The following SEC16A variants were observed in gnomAD, a reference collection of about 807,000 sequenced individuals.
SEC16A encodes the protein SEC16 homolog A, endoplasmic reticulum export factor, also known as protein transport protein Sec16A.
SEC16A carries 110 observed loss-of-function variants against 221.9 expected under a neutral mutation model. The observed-to-expected ratio is 0.50, with a 90% CI of 0.42 to 0.58. The LOEUF is 0.58. SEC16A is among the 20% of genes least tolerant of loss of function. SEC16A has a pLI of 0.00. For missense variants in SEC16A, 3,165 were observed against 3,097.8 expected (o/e 1.02, Z -0.52); for synonymous variants, 1,393 against 1,257.7 (o/e 1.11, Z -2.28).
chr9:136,474,013 C>A, intron 3 of SEC16A, 36 bp downstream of exon 3: 1 of 1,556,914 alleles, frequency 6.4e-7, no homozygotes, highest in Non-Finnish European at 8.7e-7. Flanking sequence ...AAAGCACAGA[C>A]AGAAAAGTGG....
intron 4 of SEC16A, among the ~76,000 whole-genome samples, chr9:136,469,200 C>G (rs1463249410): frequency 6.6e-6 from 1 of 152,150 alleles, no homozygotes; most frequent in Non-Finnish European, 1.5e-5. Flanking sequence ...AGCCTCGACC[C>G]CAGACCACTG....
At position 136,466,880 on chromosome 9, in the gene SEC16A, C is replaced by T; in HGVS notation, c.3929+77G>A. On this transcript the variant is annotated intron_variant, in intron 6 of 31. Coordinates refer to ENST00000684901, the MANE Select transcript of SEC16A (RefSeq NM_014866.2). This position sits in a 1 kb window ranked among gnomAD's most constrained non-coding sequence, Gnocchi z 5.5. ...AACTACCACAGCTCTTTGTTAAAACCCAGACATGAGGGCAGAGAAGCACTA... is the reference window on the plus strand; with the variant it reads ...AACTACCACAGCTCTTTGTTAAAACTCAGACATGAGGGCAGAGAAGCACTA... 6.7e-7 allele frequency: 1 copy of T among 1,501,632 alleles called. No homozygotes were observed. The highest frequency in any genetic ancestry group is 8.9e-7 in the Non-Finnish European group (1 of 1,121,476). 93.0% of individuals were successfully genotyped at this position (1,501,632 alleles called of 1,614,324 possible).
At position 136,474,587 on chromosome 9, in the gene SEC16A, T is replaced by C. The variant is rs774312401; in HGVS notation, c.3029A>G (p.Asn1010Ser). Residue 1010 changes from asparagine (N) to serine (S), a missense_variant, in exon 3 of 32, where the codon AAC becomes AGC. By Grantham distance (46) the Asn-to-Ser change is conservative. Coordinates refer to ENST00000684901, the MANE Select transcript of SEC16A (RefSeq NM_014866.2). Reference protein sequence around the residue: ...RTLENPVNVYNPSHSDSLASQ... With the variant: ...RTLENPVNVYSPSHSDSLASQ... ...AGCGAGGCTGTCAGAATGGGACGGG[T>C]TGTACACGTTTACAGGATTTTCCAA... 7.4e-6 allele frequency: 12 copies of C among 1,612,808 alleles called. No individual in the cohort carries two copies. The South Asian group carries it at 1.2e-4, about 16-fold the overall frequency.
In SEC16A at chr9:136,466,993, T is replaced by C; in HGVS notation, c.3893A>G (p.Asp1298Gly). The C allele has an allele frequency of 6.2e-7, 1 of 1,613,796 alleles. No homozygotes were observed. Among genetic ancestry groups the C allele is most frequent in the Non-Finnish European group, 8.5e-7 (1 of 1,179,854 alleles). ...DRRYWCDAEY[D>G]AYRREHSAFG... ...GGCAGAGTGCTCTCTCCTGTATGCG[T>C]CATACTCTGCATCACACCAATACCT... is the stretch of plus-strand genomic sequence containing the variant. Residue 1298 changes from aspartate (D) to glycine (G), a missense_variant, in exon 6 of 32, where the codon GAC becomes GGC. This residue lies in a region of SEC16A where 2,030 missense variants were observed against 1,923.1 expected (regional missense o/e 1.06). Coordinates refer to ENST00000684901, the MANE Select transcript of SEC16A (RefSeq NM_014866.2). This position sits in a 1 kb window ranked among gnomAD's most constrained non-coding sequence, Gnocchi z 5.5.
intron 29 of SEC16A, 47 bp from the exon 30 acceptor site, chr9:136,445,158 T>C (rs1220538057): frequency 6.7e-7 from 1 of 1,482,660 alleles, no homozygotes; most frequent in Non-Finnish European, 9.3e-7. Context: ...AAAGTCAACA[T>C]GCACGTCACT....
At chr9:136,483,577 T>C (rs948584885), upstream of SEC16A, 66 of 985,070 alleles carry the variant, frequency 6.7e-5, no homozygotes, top group Middle Eastern at 5.2e-4. Flanking sequence ...CGTCGCCCTG[T>C]TTACGCTGGC....
chr9:136,481,129 CTTTTTTTT>C (rs1000992506), intron 1 of SEC16A, among the ~76,000 whole-genome samples: 1 of 87,988 alleles, frequency 1.1e-5, no homozygotes, highest in Non-Finnish European at 2.1e-5. Flanking sequence ...GAATTTTATT[CTTTTTTTT>C]TTTTTTTTTT....
chr9:136,468,443 G>A lies in SEC16A; in HGVS notation c.3774C>T (p.Ser1258=). The part of the protein sequence containing the change: ...GWSSQSDYYA[S]YYSSQYDYGD... ...CATAATCGTACTGGCTGGAGTAATA[G>A]CTTGCATAGTAATCGCTCTGACTGC... Residue 1258 remains serine, a synonymous_variant, in exon 5 of 32, where the codon AGC becomes AGT. Coordinates refer to ENST00000684901, the MANE Select transcript of SEC16A (RefSeq NM_014866.2). 2 of 1,612,716 alleles carry A rather than the reference G, an allele frequency of 1.2e-6. No individual in the cohort carries two copies. Among genetic ancestry groups the A allele is most frequent in the South Asian group, 1.1e-5 (1 of 91,046 alleles).
At chr9:136,483,089 C>T (rs1182784176), upstream of SEC16A, 4 of 915,084 alleles carry the variant, frequency 4.4e-6, no homozygotes, top group East Asian at 4.7e-4. Flanking sequence ...CGGCTTACGA[C>T]ATCAGCGCGC....
Position 136,476,115 on chromosome 9 carries a change from C to T in SEC16A, c.1501G>A (p.Gly501Ser). 2 of 1,613,678 alleles carry T rather than the reference C, an allele frequency of 1.2e-6. No homozygotes were observed. The highest frequency in any genetic ancestry group is 2.2e-5 in the East Asian group (1 of 44,878). Residue 501 changes from glycine to serine, a missense_variant, in exon 3 of 32, where the codon GGT becomes AGT. By Grantham distance (56) the Gly-to-Ser change is moderately conservative (BLOSUM62 0). Transcript: ENST00000684901. ...PLPGPAVPRH[G>S]AVCHTGAPDA... Reference sequence around the variant, plus strand: ...GGGGCTCCGGTGTGGCACACAGCACCATGCCTGGGCACAGCTGGCCCAGGA... The same window carrying T: ...GGGGCTCCGGTGTGGCACACAGCACTATGCCTGGGCACAGCTGGCCCAGGA...
intron 28 of SEC16A, among the ~76,000 whole-genome samples, chr9:136,445,933 G>T (rs1836912783): frequency 6.6e-6 from 1 of 152,198 alleles, no homozygotes; most frequent in South Asian, 2.1e-4. Context: ...CCAGGTGCCT[G>T]TGTGTGCCCA....
intron 29 of SEC16A, among the ~76,000 whole-genome samples, chr9:136,445,392 C>T (rs1227072291): frequency 2.6e-5 from 4 of 152,312 alleles, no homozygotes; most frequent in African/African-American, 9.6e-5. Context: ...AGACAATTCC[C>T]GTGCTGTTGA....
At chr9:136,477,736 A>C in intron 2 of SEC16A, 52 bp from the exon 3 acceptor site, 5 of 1,411,416 alleles carry the variant, frequency 3.5e-6, no homozygotes, top group Non-Finnish European at 4.6e-6. Flanking sequence ...TCAAAGTCCT[A>C]GCTGCAATCA....
intron 20 of SEC16A, 36 bp downstream of exon 20, chr9:136,455,564 GC>G: frequency 1.3e-6 from 2 of 1,510,024 alleles, no homozygotes; most frequent in South Asian, 2.5e-5. Flanking sequence ...GGAAGCAGGG[GC>G]TTGTCTGAGG....
At chr9:136,458,858 A>G (rs1449641004) in intron 17 of SEC16A, among the ~76,000 whole-genome samples, 2 of 152,144 alleles carry the variant, frequency 1.3e-5, no homozygotes, top group Non-Finnish European at 2.9e-5. Flanking sequence ...GGAGTGATCA[A>G]AACAGTGCAC....
intron 31 of SEC16A, 118 bp downstream of exon 31, chr9:136,443,705 A>G: frequency 1.4e-6 from 1 of 701,882 alleles, no homozygotes. Flanking sequence ...AAATAAATAT[A>G]TTTTTTAAAA....
chr9:136,473,111 T>C (rs1028292015), intron 3 of SEC16A, among the ~76,000 whole-genome samples: 1 of 152,208 alleles, frequency 6.6e-6, no homozygotes. Context: ...TCGAGGCCCA[T>C]GGGGGAGGCC....
chr9:136,471,644 G>A (rs1840888144), intron 4 of SEC16A, among the ~76,000 whole-genome samples: 1 of 152,206 alleles, frequency 6.6e-6, no homozygotes, highest in Non-Finnish European at 1.5e-5. Flanking sequence ...GCAAATGGCC[G>A]GACCAACAGA....
rs749836116 is a variant in SEC16A at position 136,447,001 on chromosome 9, G to T, written c.6698-52C>A. 4 of 1,612,022 alleles carry T rather than the reference G, an allele frequency of 2.5e-6. No individual in the cohort carries two copies. In the African/African-American group the frequency reaches 4.0e-5, roughly 16 times the overall value. ...TCATTCCGTCCCGAACGTCCCTGGG[G>T]TCTCACTGAAGACACTCCGAGAGGA... On this transcript the variant is annotated intron_variant, in intron 27 of 31. Transcript: ENST00000684901. This position sits in a 1 kb window ranked among gnomAD's most constrained non-coding sequence, Gnocchi z 5.5.
Sources: allele counts gnomAD v4.1 joint callset (sites outside exome capture counted in the v4.1 genomes callset), GRCh38; gene constraint gnomAD v4.1.1; regional missense constraint gnomAD v4.1.1; non-coding constraint Gnocchi (gnomAD v3.1); transcripts MANE v1.5; gene names NCBI Gene and HGNC (gene_info 2026-07-23, HGNC 2026-07-21).